Variants in PCSK5 observed in about 807,000 individuals in gnomAD.
The protein encoded by PCSK5 is proprotein convertase subtilisin/kexin type 5, also known as prohormone convertase 5.
In PCSK5, 129 loss-of-function variants were observed where a neutral mutation model predicts 233.2. The observed-to-expected ratio is 0.55, with a 90% CI of 0.48 to 0.64. The LOEUF (loss-of-function observed/expected upper bound fraction) is 0.64, where lower values mean the gene tolerates loss of function less well. Ranked by LOEUF, PCSK5 falls within the 30% of genes least tolerant of loss-of-function variation. The pLI, the probability that PCSK5 is intolerant of heterozygous loss-of-function variation, is 0.00. For synonymous variants in PCSK5, 825 were observed against 879.2 expected, an observed-to-expected ratio of 0.94 and a Z score of 1.09; for missense variants, 2,076 against 2,430.1, an observed-to-expected ratio of 0.85 and a Z score of 3.06.
intron 9 of PCSK5, among the ~76,000 whole-genome samples, chr9:76,133,292 G>T (rs1042862634): frequency 6.6e-6 from 1 of 152,090 alleles, no homozygotes; most frequent in African/African-American, 2.4e-5. Context: ...TGCATGCGCT[G>T]AGTCAAATGG....
chr9:76,009,162 G>T (rs1189694978), intron 3 of PCSK5, among the ~76,000 whole-genome samples: 1 of 151,960 alleles, frequency 6.6e-6, no homozygotes, highest in African/African-American at 2.4e-5. Context: ...AATATTTGTT[G>T]AATTAAAGAT....
At chr9:76,236,747 C>G (rs1310411299) in intron 22 of PCSK5, among the ~76,000 whole-genome samples, 1 of 152,118 alleles carries the variant, frequency 6.6e-6, no homozygotes, top group Non-Finnish European at 1.5e-5. Context: ...ACTGAGACCC[C>G]CTGAAATCTC....
intron 5 of PCSK5, among the ~76,000 whole-genome samples, chr9:76,064,140 C>T (rs1338128099): frequency 7.9e-6 from 1 of 126,304 alleles, no homozygotes. Context: ...GAGGGCTGAC[C>T]CCCCCACCTC....
chr9:75,914,052 T>C (rs2131238448), intron 1 of PCSK5, among the ~76,000 whole-genome samples: 1 of 152,184 alleles, frequency 6.6e-6, no homozygotes, highest in East Asian at 1.9e-4. Context: ...TTCTAATCAT[T>C]GGAGGAAATA....
intron 24 of PCSK5, among the ~76,000 whole-genome samples, chr9:76,291,522 G>A (rs1013552628): frequency 2.0e-5 from 3 of 152,136 alleles, no homozygotes; most frequent in African/African-American, 7.2e-5. Flanking sequence ...GGAAGTCACC[G>A]AATTCTCTTA....
At chr9:76,347,844 C>T (rs1018712401) in intron 35 of PCSK5, among the ~76,000 whole-genome samples, 12 of 151,310 alleles carry the variant, frequency 7.9e-5, no homozygotes, top group African/African-American at 2.9e-4. Flanking sequence ...GGACTGTTCT[C>T]CCTCTTTTAG....
rs182440142 is a variant in PCSK5, at chr9:75,985,954, A to C, written c.298-178A>C. On this transcript the variant is annotated intron_variant, in intron 2 of 37. Coordinates refer to ENST00000674117, the MANE Select transcript of PCSK5 (RefSeq NM_001372043.1). ...CACCTGCTTGCATTAAACAAACAAA[A>C]AAAAAGCCCTGGGTTTCTAAGGAAT... Among the ~76,000 whole-genome samples the C allele has an allele frequency of 2.6e-4, 39 of 152,292 alleles. No homozygotes were observed. In the East Asian group the frequency reaches 5.8e-3, roughly 23 times the overall value.
intron 24 of PCSK5, among the ~76,000 whole-genome samples, chr9:76,256,141 CCTT>C (rs1826974559): frequency 6.6e-6 from 1 of 152,210 alleles, no homozygotes; most frequent in Non-Finnish European, 1.5e-5. Flanking sequence ...TTCCTTTGCT[CCTT>C]CTCCAACATT....
At chr9:76,101,990 G>A (rs995284792) in intron 8 of PCSK5, among the ~76,000 whole-genome samples, 1 of 152,124 alleles carries the variant, frequency 6.6e-6, no homozygotes, top group Non-Finnish European at 1.5e-5. Context: ...ATCCAGATGT[G>A]TTTTTGTTTA....
At chr9:76,237,780 A>G (rs1826297311) in intron 22 of PCSK5, among the ~76,000 whole-genome samples, 1 of 152,228 alleles carries the variant, frequency 6.6e-6, no homozygotes, top group Non-Finnish European at 1.5e-5. Flanking sequence ...GTCTCAAAAA[A>G]AAGAAAATGT....
chr9:76,136,868 G>T (rs551632003), intron 10 of PCSK5, among the ~76,000 whole-genome samples: 1 of 151,996 alleles, frequency 6.6e-6, no homozygotes, highest in Non-Finnish European at 1.5e-5. Flanking sequence ...ACTCAGTTTT[G>T]GAGTTCAGAC....
intron 24 of PCSK5, among the ~76,000 whole-genome samples, chr9:76,250,649 A>C (rs62564575): frequency 0.042 from 6,462 of 152,282 alleles, 151 homozygotes; most frequent in Admixed American, 0.051. Flanking sequence ...AAACAAGTCA[A>C]GTCTGAGAAA....
chr9:75,899,551 C>A (rs1825941091), intron 1 of PCSK5, among the ~76,000 whole-genome samples: 1 of 152,178 alleles, frequency 6.6e-6, no homozygotes, highest in Non-Finnish European at 1.5e-5. Flanking sequence ...CTCCTCACCC[C>A]GGTAGTCACT....
intron 10 of PCSK5, among the ~76,000 whole-genome samples, chr9:76,146,591 AGAT>A (rs1244483082): frequency 1.3e-5 from 2 of 151,942 alleles, no homozygotes; most frequent in Admixed American, 6.6e-5. Context: ...GAAGTTTTGA[AGAT>A]GAGAGCAGTA....
intron 24 of PCSK5, among the ~76,000 whole-genome samples, chr9:76,254,484 A>G (rs1826914458): frequency 6.6e-6 from 1 of 152,152 alleles, no homozygotes; most frequent in Non-Finnish European, 1.5e-5. Context: ...AAAAAAAAAA[A>G]AAAGATGAAA....
intron 1 of PCSK5, among the ~76,000 whole-genome samples, chr9:75,893,651 C>T (rs976752391): frequency 6.6e-6 from 1 of 152,100 alleles, no homozygotes; most frequent in African/African-American, 2.4e-5. Flanking sequence ...TGTCCTGCAA[C>T]CTCTGCTTGA....
chr9:76,132,370 C>G (rs955965224), intron 9 of PCSK5, among the ~76,000 whole-genome samples: 1 of 152,036 alleles, frequency 6.6e-6, no homozygotes, highest in Non-Finnish European at 1.5e-5. Context: ...CCTAAGAAAA[C>G]AAGAATAATT....
intron 1 of PCSK5, among the ~76,000 whole-genome samples, chr9:75,908,937 C>CTCTCTCTG (rs1212439160): frequency 3.3e-5 from 3 of 89,592 alleles, no homozygotes; most frequent in Non-Finnish European, 5.2e-5. Context: ...CTATCTCTCT[C>CTCTCTCTG]TCTGTCTATC....
chr9:75,911,200 G>GTT, intron 1 of PCSK5, among the ~76,000 whole-genome samples: 1 of 90,564 alleles, frequency 1.1e-5, no homozygotes, highest in Non-Finnish European at 2.1e-5. Flanking sequence ...TGAACATATA[G>GTT]GTTTTTTTTT....
Sources: gnomAD v4.1 joint callset for allele counts (sites outside exome capture counted in the v4.1 genomes callset) on GRCh38, gnomAD v4.1.1 for gene constraint, MANE v1.5 for transcripts, NCBI Gene and HGNC (gene_info 2026-07-23, HGNC 2026-07-21) for gene names.